The following SNTG2 variants were observed in gnomAD, a reference collection of about 807,000 sequenced individuals.
SNTG2 encodes the protein gamma-2-syntrophin.
A neutral mutation model predicts 70.9 loss-of-function variants in SNTG2; 74 were observed. The ratio of observed to expected loss-of-function variants is 1.04; its 90% CI spans 0.86 to 1.27. SNTG2 has a LOEUF of 1.27. Ranked by LOEUF, SNTG2 falls within the 50% of genes most tolerant of loss-of-function variation. The pLI is 0.00. For synonymous variants in SNTG2, 278 were observed against 273.8 expected, an observed-to-expected ratio of 1.02 and a Z score of -0.15; for missense variants, 717 against 690.7, an observed-to-expected ratio of 1.04 and a Z score of -0.43.
chr2:1,182,360 CAAA>C (rs10587246), intron 8 of SNTG2, among the ~76,000 whole-genome samples: 32,297 of 122,110 alleles, frequency 0.26, 3,734 homozygotes, highest in East Asian at 0.43. Context: ...TTAAAAATTT[CAAA>C]AAAAAAAAAA....
intron 16 of SNTG2, chr2:1,346,651 C>G (rs556355029): frequency 1.9e-4 from 29 of 152,226 alleles, no homozygotes; most frequent in Non-Finnish European, 2.9e-4. Flanking sequence ...AGAGTGACTG[C>G]GACCTGGGGA....
Position 1,367,347 on chromosome 2 carries a change from T to G in SNTG2, c.1493T>G (p.Leu498Arg). Residue 498 changes from leucine to arginine, a missense_variant, in exon 17 of 17, where the codon CTC becomes CGC. Physicochemically the swap from Leu to Arg is moderately radical, Grantham distance 102 (BLOSUM62 -2). Coordinates refer to ENST00000308624, the MANE Select transcript of SNTG2 (RefSeq NM_018968.4). ...LDTKQIETKE[L>R]EFQDLRAVLH... Reference sequence around the variant, plus strand: ...TGATCTGATTTTCTCCTCCAGGAACTCGAGTTCCAGGACCTGAGGGCTGTC... The same window carrying G: ...TGATCTGATTTTCTCCTCCAGGAACGCGAGTTCCAGGACCTGAGGGCTGTC... 2 of 1,534,274 alleles carry G rather than the reference T, an allele frequency of 1.3e-6. No individual in the cohort carries two copies. The highest frequency in any genetic ancestry group is 2.5e-5 in the South Asian group (2 of 79,946).
intron 1 of SNTG2, among the ~76,000 whole-genome samples, chr2:951,555 CT>C (rs1659963671): frequency 6.6e-6 from 1 of 152,202 alleles, no homozygotes; most frequent in African/African-American, 2.4e-5. Context: ...GTGCTGGGGG[CT>C]CTAGGCCATT....
chr2:1,361,834 CACGG>C (rs879688929), intron 16 of SNTG2, among the ~76,000 whole-genome samples: 25,151 of 149,552 alleles, frequency 0.17, 2,330 homozygotes, highest in East Asian at 0.22. Flanking sequence ...CCATGAAAGT[CACGG>C]ATGCTGAGCA....
At chr2:1,226,641 T>A (rs951692436) in intron 9 of SNTG2, among the ~76,000 whole-genome samples, 2 of 151,422 alleles carry the variant, frequency 1.3e-5, no homozygotes, top group South Asian at 4.2e-4. Flanking sequence ...TCGACTGAAC[T>A]GAGAGAAAAG....
chr2:1,348,070 G>C (rs1558223086), intron 16 of SNTG2, among the ~76,000 whole-genome samples: 1 of 151,926 alleles, frequency 6.6e-6, no homozygotes, highest in Non-Finnish European at 1.5e-5. Context: ...CTCAAGCTTG[G>C]CTCAAACAAA....
intron 14 of SNTG2, among the ~76,000 whole-genome samples, chr2:1,284,136 A>G (rs561652283): frequency 6.6e-6 from 1 of 152,270 alleles, no homozygotes; most frequent in South Asian, 2.1e-4. Context: ...TATTTCTCCA[A>G]AAGCCATTAT....
intron 14 of SNTG2, among the ~76,000 whole-genome samples, chr2:1,294,675 A>G (rs1404956632): frequency 6.6e-6 from 1 of 152,254 alleles, no homozygotes; most frequent in Non-Finnish European, 1.5e-5. Flanking sequence ...CCCAAACCAC[A>G]TGGACACAAG....
chr2:1,228,190 C>T (rs1006174619), intron 9 of SNTG2, among the ~76,000 whole-genome samples: 3 of 152,256 alleles, frequency 2.0e-5, no homozygotes, highest in Admixed American at 1.3e-4. Flanking sequence ...TCTGCACTTT[C>T]GAGCTGGCGG....
intron 16 of SNTG2, among the ~76,000 whole-genome samples, chr2:1,317,985 G>T (rs572497152): frequency 6.6e-6 from 1 of 152,262 alleles, no homozygotes; most frequent in South Asian, 2.1e-4. Flanking sequence ...TTAAAGGAAG[G>T]GTTTTACAAA....
chr2:1,240,389 T>A (rs938558887), intron 11 of SNTG2, among the ~76,000 whole-genome samples: 3 of 152,240 alleles, frequency 2.0e-5, no homozygotes, highest in African/African-American at 4.8e-5. Context: ...TCTATGGTAA[T>A]CAAGCTGTTT....
intron 1 of SNTG2, among the ~76,000 whole-genome samples, chr2:971,801 A>G (rs56363657): frequency 0.078 from 11,835 of 151,746 alleles, 691 homozygotes; most frequent in South Asian, 0.2. Flanking sequence ...GTTCAGCACT[A>G]TAAACTTTTG....
chr2:1,132,122 TAA>T (rs946033730), intron 4 of SNTG2, among the ~76,000 whole-genome samples: 11 of 152,206 alleles, frequency 7.2e-5, no homozygotes, highest in African/African-American at 2.2e-4. Context: ...ACTGTAAACT[TAA>T]AGTTTCAGAA....
Position 1,213,396 on chromosome 2 carries a change from T to C in SNTG2, c.719+4166T>C, listed in dbSNP as rs575821117. Among the ~76,000 whole-genome samples the C allele has an allele frequency of 1.2e-3, 184 of 152,326 alleles. 1 individual carries two copies. The highest frequency in any genetic ancestry group is 4.4e-3 in the African/African-American group (182 of 41,580). On this transcript the variant is annotated intron_variant, in intron 9 of 16. Transcript: ENST00000308624. ...AAATAAGAGTTAGATTCTTACAGCA[T>C]ATTTTTGGTCACAAAATATCACCAA...
At chr2:968,077 A>G (rs1202261594) in intron 1 of SNTG2, among the ~76,000 whole-genome samples, 2 of 151,840 alleles carry the variant, frequency 1.3e-5, no homozygotes, top group African/African-American at 4.8e-5. Context: ...TTCCTTTAGT[A>G]TTTGTATTAT....
chr2:1,208,357 C>T (rs28613525), intron 8 of SNTG2, among the ~76,000 whole-genome samples: 47,139 of 151,714 alleles, frequency 0.31, 7,914 homozygotes, highest in East Asian at 0.65. Context: ...GCGTTCTTGC[C>T]GGTCGCTGGG....
At chr2:1,127,715 G>A (rs4971470) in intron 4 of SNTG2, among the ~76,000 whole-genome samples, 18,394 of 152,024 alleles carry the variant, frequency 0.12, 1,722 homozygotes, top group East Asian at 0.44. Context: ...GTGTATGTGT[G>A]TGGCTATTGT....
intron 6 of SNTG2, among the ~76,000 whole-genome samples, chr2:1,151,545 G>A (rs1669497080): frequency 1.3e-5 from 2 of 152,136 alleles, no homozygotes; most frequent in South Asian, 2.1e-4. Flanking sequence ...AGATTGAAGC[G>A]CGATGCCCAC....
intron 1 of SNTG2, among the ~76,000 whole-genome samples, chr2:1,041,758 G>A (rs1348361368): frequency 6.6e-6 from 1 of 152,192 alleles, no homozygotes; most frequent in Non-Finnish European, 1.5e-5. Context: ...CTGCAGATCT[G>A]TGGGCTGGTT....
Sources: gnomAD v4.1 joint callset for allele counts (sites outside exome capture counted in the v4.1 genomes callset) on GRCh38, gnomAD v4.1.1 for gene constraint, MANE v1.5 for transcripts, NCBI Gene and HGNC (gene_info 2026-07-23, HGNC 2026-07-21) for gene names.